Variants in RIPOR3 observed in about 807,000 individuals in gnomAD.
RIPOR3 encodes the protein family with sequence similarity 65 member C.
In RIPOR3, 95 loss-of-function variants were observed where a neutral mutation model predicts 114.3. The ratio of observed to expected loss-of-function variants is 0.83; its 90% CI spans 0.70 to 0.99. The LOEUF is 0.99. Among genes scored for constraint, RIPOR3 ranks in the 50% least tolerant of loss-of-function variants. The probability of loss-of-function intolerance (pLI) is 0.00; values close to 1 mark genes in which losing one functional copy is unlikely to be tolerated. For missense variants in RIPOR3, 1,252 were observed against 1,266.9 expected (o/e 0.99, Z 0.18); for synonymous variants, 575 against 543.8 (o/e 1.06, Z -0.80).
In RIPOR3 at chr20:50,691,408, T is replaced by C; in HGVS notation, c.-280A>G. On this transcript the variant is annotated 5_prime_UTR_variant, in exon 1 of 22. Coordinates refer to ENST00000327979, the MANE Select transcript of RIPOR3 (RefSeq NM_001290268.2). ...GCAGCCGGGACTCTTATCTGGCCTGTGTCAGGGTGCAGGCGGCCATGGAGC... is the reference window on the plus strand; with the variant it reads ...GCAGCCGGGACTCTTATCTGGCCTGCGTCAGGGTGCAGGCGGCCATGGAGC... 3.3e-6 allele frequency: 1 copy of C among 299,358 alleles called. No individual in the cohort carries two copies. Among genetic ancestry groups the C allele is most frequent in the South Asian group, 2.9e-5 (1 of 35,008 alleles). The allele number at this position is 299,358 out of a possible 1,614,324, so 18.5% of individuals were successfully genotyped here. A position where few individuals can be genotyped will look rare whatever the true frequency, so the allele number is the denominator to read the frequency against.
At chr20:50,589,558 A>G in intron 20 of RIPOR3, 128 bp downstream of exon 20, 2 of 967,138 alleles carry the variant, frequency 2.1e-6, no homozygotes, top group African/African-American at 1.6e-5. Flanking sequence ...GGCCTCCCAA[A>G]GTGCTGAGAT....
At chr20:50,685,222 A>AT (rs35813074) in intron 1 of RIPOR3, among the ~76,000 whole-genome samples, 83,952 of 128,038 alleles carry the variant, frequency 0.66, 29,086 homozygotes, top group Middle Eastern at 0.75. Flanking sequence ...ATGGGATAGA[A>AT]TTTTTTTTTT....
At chr20:50,672,024 AGGTGGGTG>A (rs1431259939) in intron 1 of RIPOR3, among the ~76,000 whole-genome samples, 1 of 92,352 alleles carries the variant, frequency 1.1e-5, no homozygotes, top group Admixed American at 1.2e-4. Context: ...ATGGATGGGT[AGGTGGGTG>A]GGTGGGTGAT....
Position 50,609,656 on chromosome 20 carries a change from G to A in RIPOR3, c.493C>T (p.Arg165Trp), listed in dbSNP as rs765089467. 68 of 1,396,660 alleles carry A rather than the reference G, an allele frequency of 4.9e-5. No homozygotes were observed. The Admixed American group carries it at 1.1e-3, about 23-fold the overall frequency. The allele number at this position is 1,396,660 out of a possible 1,614,324, so 86.5% of individuals were successfully genotyped here. A position where few individuals can be genotyped will look rare whatever the true frequency, so the allele number is the denominator to read the frequency against. ...CTCGGGGGGCACCGGGCGAAGGCCC[G>A]CTGCATGCTGGAGGCGCCGTCGCGC... Reference protein sequence around the residue: ...RLRDGASSMQRAFARCPPSRA... With the variant: ...RLRDGASSMQWAFARCPPSRA... The change falls in exon 7 of 22, where the codon CGG becomes TGG. Residue 165 changes from arginine to tryptophan, a missense_variant. By Grantham distance (101) the Arg-to-Trp change is moderately radical. Transcript: ENST00000327979.
chr20:50,620,943 AG>A, intron 2 of RIPOR3: 1 of 529,162 alleles, frequency 1.9e-6, no homozygotes, highest in Admixed American at 2.2e-5. Context: ...GAGTTACTGA[AG>A]GTCTCCAAGG....
intron 17 of RIPOR3, among the ~76,000 whole-genome samples, chr20:50,594,184 A>G (rs917237988): frequency 5.3e-5 from 8 of 151,472 alleles, no homozygotes; most frequent in African/African-American, 1.9e-4. Flanking sequence ...GCTGAGGCAG[A>G]AGAATCGCTT....
chr20:50,679,768 C>CA (rs34233758), intron 1 of RIPOR3, among the ~76,000 whole-genome samples: 110,409 of 135,776 alleles, frequency 0.81, 45,340 homozygotes, highest in East Asian at 0.95. Flanking sequence ...GACTCTGTCT[C>CA]AAAAAAAAAA....
Position 50,655,669 on chromosome 20 carries a change from CTGTGTGTG to C in RIPOR3, c.4-24821_4-24814del, listed in dbSNP as rs11469999. Among the ~76,000 whole-genome samples, 104 of 145,272 alleles carry C rather than the reference CTGTGTGTG, an allele frequency of 7.2e-4. 1 individual carries two copies. Among genetic ancestry groups the C allele is most frequent in the Middle Eastern group, 3.6e-3 (1 of 280 alleles). On this transcript the variant is annotated intron_variant, in intron 1 of 21. Transcript: ENST00000327979. ...TCCCTCCTGTCTCGGTTAGCGTGGG[CTGTGTGTG>C]TGTGTGTGTGTGTGTGTGTGTGTGT...
At chr20:50,625,129 A>G (rs2084571794) in intron 2 of RIPOR3, among the ~76,000 whole-genome samples, 1 of 151,302 alleles carries the variant, frequency 6.6e-6, no homozygotes, top group Non-Finnish European at 1.5e-5. Flanking sequence ...GGAATGCAGT[A>G]GCGTGATCTC....
At position 50,630,766 on chromosome 20, in the gene RIPOR3, A is replaced by G; in HGVS notation, c.94T>C (p.Phe32Leu). ...VVGRSASFAG[F>L]SSAQSRRIAK... The stretch of plus-strand genomic sequence containing the variant: ...ATCCTCCGGCTCTGTGCACTGCTGA[A>G]GCCTGCGAAGGAGGCGCTCCGGCCC... The change falls in exon 2 of 22, where the codon TTC becomes CTC. Residue 32 changes from phenylalanine (F) to leucine (L), a missense_variant. Physicochemically the swap from Phe to Leu is conservative, Grantham distance 22. Coordinates refer to ENST00000327979, the MANE Select transcript of RIPOR3 (RefSeq NM_001290268.2). The G allele has an allele frequency of 6.2e-7, 1 of 1,612,326 alleles. No individual in the cohort carries two copies. The highest frequency in any genetic ancestry group is 8.5e-7 in the Non-Finnish European group (1 of 1,179,592).
At chr20:50,655,587 G>T (rs1279779977) in intron 1 of RIPOR3, among the ~76,000 whole-genome samples, 1 of 152,154 alleles carries the variant, frequency 6.6e-6, no homozygotes, top group Non-Finnish European at 1.5e-5. Flanking sequence ...TTGGAAAGCT[G>T]CGCCTGTAAC....
chr20:50,631,896 C>T (rs1025564915), intron 1 of RIPOR3, among the ~76,000 whole-genome samples: 1 of 152,184 alleles, frequency 6.6e-6, no homozygotes, highest in Non-Finnish European at 1.5e-5. Context: ...TACTTTGCTC[C>T]TTTGCCAGGG....
At chr20:50,595,609 G>A (rs1039217916) in intron 15 of RIPOR3, 105 bp from the exon 16 acceptor site, 43 of 1,469,434 alleles carry the variant, frequency 2.9e-5, no homozygotes, top group Non-Finnish European at 3.9e-5. Flanking sequence ...TTCTGTCCCG[G>A]GGGCAGCTCC....
chr20:50,630,374 C>A (rs1377499527), intron 2 of RIPOR3, among the ~76,000 whole-genome samples: 1 of 152,182 alleles, frequency 6.6e-6, no homozygotes, highest in Non-Finnish European at 1.5e-5. Context: ...CCTCGGCCTC[C>A]CAAAGTGCTG....
At chr20:50,595,338 G>A (rs1321977811) in intron 16 of RIPOR3, 31 bp downstream of exon 16, 1 of 1,605,576 alleles carries the variant, frequency 6.2e-7, no homozygotes, top group Admixed American at 1.7e-5. Context: ...CGCTCACATA[G>A]GCAGCCCCTG....
At position 50,594,590 on chromosome 20, in the gene RIPOR3, G is replaced by GT; in HGVS notation, c.2174dup (p.His725GlnfsTer56). On this transcript the variant is annotated frameshift_variant, in exon 17 of 22. Transcript: ENST00000327979. LOFTEE classifies it high-confidence loss of function. ...GTCCTGGGTACTTCCCTCTGACTCT[G>GT]TGCTGGAAGGTTTTCTTGAGCTGGT... 1 of 1,610,960 alleles carries GT rather than the reference G, an allele frequency of 6.2e-7. No homozygotes were observed.
chr20:50,602,630 C>T lies in RIPOR3; in HGVS notation c.1101G>A (p.Gln367=). ...CCAGCAGCAAGGCCTGCTGTGTTGG[C>T]TGCTGTAGGACAGACTGGAGAGGGG... ...RERYYLSVLQ[Q]PTQQALLLGG... The change falls in exon 13 of 22, where the codon CAG becomes CAA. Residue 367 remains glutamine, a synonymous_variant. Coordinates refer to ENST00000327979, the MANE Select transcript of RIPOR3 (RefSeq NM_001290268.2). This position sits in a 1 kb window ranked among gnomAD's most constrained non-coding sequence, Gnocchi z 4.3. 1.3e-6 allele frequency: 2 copies of T among 1,505,836 alleles called. No individual in the cohort carries two copies. Among genetic ancestry groups the T allele is most frequent in the South Asian group, 1.4e-5 (1 of 73,564 alleles). 93.3% of individuals were successfully genotyped at this position (1,505,836 alleles called of 1,614,324 possible). A position where few individuals can be genotyped will look rare whatever the true frequency, so the allele number is the denominator to read the frequency against.
chr20:50,636,022 T>TGG (rs1175653381), intron 1 of RIPOR3, among the ~76,000 whole-genome samples: 1 of 152,240 alleles, frequency 6.6e-6, no homozygotes. Context: ...CCAGCCCCTG[T>TGG]GGGCCCCCTT....
chr20:50,616,912 G>A (rs999403579), intron 3 of RIPOR3, among the ~76,000 whole-genome samples: 5 of 152,178 alleles, frequency 3.3e-5, no homozygotes, highest in African/African-American at 1.2e-4. Flanking sequence ...GGAGGCCGAG[G>A]TGGGCGGATC....
Sources: allele counts gnomAD v4.1 joint callset (sites outside exome capture counted in the v4.1 genomes callset), GRCh38; gene constraint gnomAD v4.1.1; non-coding constraint Gnocchi (gnomAD v3.1); transcripts MANE v1.5; gene names NCBI Gene and HGNC (gene_info 2026-07-23, HGNC 2026-07-21).